The following USH2A variants were observed in gnomAD, a reference collection of about 807,000 sequenced individuals.
USH2A encodes usherin, also known as Usher syndrome 2A (autosomal recessive, mild).
Under a neutral mutation model 538.9 loss-of-function variants are expected in USH2A, and 443 were observed. The observed-to-expected ratio is 0.82, with a 90% CI of 0.76 to 0.89. The LOEUF is 0.89. Among genes scored for constraint, USH2A ranks in the 40% least tolerant of loss-of-function variants. The pLI is 0.00. For missense variants in USH2A, 6,633 were observed against 6,324.8 expected, an observed-to-expected ratio of 1.05 and a Z score of -1.65; for synonymous variants, 2,413 against 2,273.5, an observed-to-expected ratio of 1.06 and a Z score of -1.75.
chr1:215,852,667 G>A (rs957937369), intron 44 of USH2A, among the ~76,000 whole-genome samples: 1 of 152,144 alleles, frequency 6.6e-6, no homozygotes, highest in Non-Finnish European at 1.5e-5. Context: ...AAACAATGGG[G>A]GTACAGGCAT....
In USH2A at chr1:215,748,242, C is replaced by T. The variant is rs116042381; in HGVS notation, c.11390-4907G>A. Among the ~76,000 whole-genome samples, 1,003 of 152,176 alleles carry T rather than the reference C, an allele frequency of 6.6e-3. 10 individuals carry two copies. Among genetic ancestry groups the T allele is most frequent in the African/African-American group, 0.023 (941 of 41,498 alleles). On this transcript the variant is annotated intron_variant, in intron 58 of 71. Transcript: ENST00000307340. ...TTGGTTCACTGCAACCTCTGCCTCACGGTGAACCCACATATTTATGACAAA... is the reference window on the plus strand; with the variant it reads ...TTGGTTCACTGCAACCTCTGCCTCATGGTGAACCCACATATTTATGACAAA...
chr1:215,828,467 T>C (rs1663218466), intron 47 of USH2A, among the ~76,000 whole-genome samples: 1 of 151,944 alleles, frequency 6.6e-6, no homozygotes, highest in Non-Finnish European at 1.5e-5. Context: ...AAGAAAAAAA[T>C]ATATAGATAT....
intron 22 of USH2A, among the ~76,000 whole-genome samples, chr1:216,093,720 G>T (rs1360315842): frequency 6.6e-6 from 1 of 152,102 alleles, no homozygotes; most frequent in African/African-American, 2.4e-5. Flanking sequence ...TTGGTAGGGG[G>T]GTGGCTATAA....
At chr1:216,343,471 G>A (rs1221248479) in intron 4 of USH2A, among the ~76,000 whole-genome samples, 1 of 148,874 alleles carries the variant, frequency 6.7e-6, no homozygotes, top group African/African-American at 2.5e-5. Context: ...GACTGCACTA[G>A]GATACGATCA....
intron 41 of USH2A, among the ~76,000 whole-genome samples, chr1:215,885,488 G>T (rs2102457511): frequency 6.6e-6 from 1 of 152,148 alleles, no homozygotes; most frequent in African/African-American, 2.4e-5. Context: ...CTTATAAAAT[G>T]AAATACATTT....
At chr1:215,818,934 T>C (rs1216884480) in intron 47 of USH2A, among the ~76,000 whole-genome samples, 2 of 151,790 alleles carry the variant, frequency 1.3e-5, no homozygotes, top group Admixed American at 6.6e-5. Context: ...GAAAACCTCC[T>C]TTTTGTGAAA....
intron 3 of USH2A, among the ~76,000 whole-genome samples, chr1:216,390,774 T>C (rs2039093904): frequency 6.6e-6 from 1 of 152,216 alleles, no homozygotes; most frequent in Non-Finnish European, 1.5e-5. Context: ...ACTATAGATG[T>C]AAGCATGCTC....
In USH2A at chr1:215,662,440, G is replaced by A. The variant is rs1031279351; in HGVS notation, c.14133+8532C>T. Among the ~76,000 whole-genome samples the A allele has an allele frequency of 4.6e-5, 7 of 152,316 alleles. No individual in the cohort carries two copies. The South Asian group carries it at 1.5e-3, about 32-fold the overall frequency. On this transcript the variant is annotated intron_variant, in intron 64 of 71. Transcript: ENST00000307340. ...TAACTTGTCCCAAAGGCGCCATGAAGATTGCCAACAACAGAAGCTTCAGAA... is the reference window on the plus strand; with the variant it reads ...TAACTTGTCCCAAAGGCGCCATGAAAATTGCCAACAACAGAAGCTTCAGAA...
intron 35 of USH2A, among the ~76,000 whole-genome samples, chr1:215,972,578 A>G (rs1223607296): frequency 2.6e-5 from 4 of 152,132 alleles, no homozygotes. Context: ...TTTCTCTTAT[A>G]CCAATCAGAT....
At position 215,905,803 on chromosome 1, in the gene USH2A, C is replaced by T. The variant is rs554426719; in HGVS notation, c.7301-4898G>A. ...TCACTAGGAATCTGACTCTAGCCTA[C>T]CCCAAATTATCCCCTCACTTCAGGG... is the stretch of plus-strand genomic sequence containing the variant. On this transcript the variant is annotated intron_variant, in intron 38 of 71. Coordinates refer to ENST00000307340, the MANE Select transcript of USH2A (RefSeq NM_206933.4). 6.6e-5 allele frequency among the ~76,000 whole-genome samples: 10 copies of T among 152,152 alleles called. No homozygotes were observed. The South Asian group carries it at 2.1e-3, about 32-fold the overall frequency.
intron 13 of USH2A, among the ~76,000 whole-genome samples, chr1:216,239,339 C>A (rs700017): frequency 0.069 from 10,470 of 152,114 alleles, 978 homozygotes; most frequent in African/African-American, 0.21. Flanking sequence ...ACACCACAGA[C>A]CTTTGCTAGG....
chr1:215,748,532 GCT>G (rs1187857920), intron 58 of USH2A, among the ~76,000 whole-genome samples: 4 of 152,146 alleles, frequency 2.6e-5, no homozygotes, highest in Admixed American at 6.5e-5. Flanking sequence ...ATTGCTTCAG[GCT>G]CTGTTTTCAG....
At chr1:216,019,885 A>T (rs1446949044) in intron 32 of USH2A, among the ~76,000 whole-genome samples, 2 of 152,214 alleles carry the variant, frequency 1.3e-5, no homozygotes, top group Non-Finnish European at 2.9e-5. Context: ...ATTATGCTGT[A>T]TACCTACTTG....
At chr1:215,669,911 TATA>T (rs1184466020) in intron 64 of USH2A, among the ~76,000 whole-genome samples, 1 of 152,194 alleles carries the variant, frequency 6.6e-6, no homozygotes, top group Non-Finnish European at 1.5e-5. Flanking sequence ...TATTTCATGT[TATA>T]ATAAGCTTTT....
chr1:215,676,423 C>A lies in USH2A; in HGVS notation c.12295-807G>T, dbSNP rs531141676. 1.1e-4 allele frequency among the ~76,000 whole-genome samples: 17 copies of A among 152,196 alleles called. No individual in the cohort carries two copies. In the South Asian group the frequency reaches 3.1e-3, roughly 28 times the overall value. ...TGTTTTTGAACAGTGATTTTCCAAC[C>A]TTTTCCTGCTCCAACAAACCTGAGA... On this transcript the variant is annotated intron_variant, in intron 62 of 71. Coordinates refer to ENST00000307340, the MANE Select transcript of USH2A (RefSeq NM_206933.4).
chr1:216,302,557 C>T (rs1030950176), intron 9 of USH2A, among the ~76,000 whole-genome samples: 3 of 152,074 alleles, frequency 2.0e-5, no homozygotes, highest in Non-Finnish European at 2.9e-5. Flanking sequence ...AATGTACTTA[C>T]TCACTCTCTA....
At chr1:215,628,369 A>C (rs1005051275) in intron 71 of USH2A, among the ~76,000 whole-genome samples, 5 of 151,628 alleles carry the variant, frequency 3.3e-5, no homozygotes, top group Non-Finnish European at 2.9e-5. Context: ...TGCAACCTCC[A>C]CCTCCTGGGT....
intron 3 of USH2A, among the ~76,000 whole-genome samples, chr1:216,411,116 T>G (rs1558076473): frequency 6.6e-6 from 1 of 152,156 alleles, no homozygotes; most frequent in Non-Finnish European, 1.5e-5. Flanking sequence ...CCAGTGATTC[T>G]CTTTAACACA....
intron 4 of USH2A, among the ~76,000 whole-genome samples, chr1:216,338,310 C>T (rs2038013369): frequency 6.6e-6 from 1 of 151,340 alleles, no homozygotes; most frequent in Admixed American, 6.6e-5. Flanking sequence ...AAACACACTA[C>T]CATCAAATTG....
Sources: gnomAD v4.1 joint callset for allele counts (sites outside exome capture counted in the v4.1 genomes callset) on GRCh38, gnomAD v4.1.1 for gene constraint, MANE v1.5 for transcripts, NCBI Gene and HGNC (gene_info 2026-07-23, HGNC 2026-07-21) for gene names.